Variants in LRMDA observed in about 807,000 individuals in gnomAD.
LRMDA encodes the protein leucine rich melanocyte differentiation associated.
LRMDA carries 18 observed loss-of-function variants against 29.8 expected under a neutral mutation model. That is an observed-to-expected ratio of 0.60 (90% CI 0.42 to 0.90). The LOEUF (loss-of-function observed/expected upper bound fraction) is 0.90. LRMDA is among the 40% of genes least tolerant of loss of function. The pLI, the probability that LRMDA is intolerant of heterozygous loss-of-function variation, is 0.00. For synonymous variants in LRMDA, 125 were observed against 109.4 expected (o/e 1.14, Z -0.89); for missense variants, 273 against 273.9 (o/e 1.00, Z 0.02).
intron 2 of LRMDA, among the ~76,000 whole-genome samples, chr10:75,663,485 C>G (rs562280270): frequency 6.6e-6 from 1 of 152,296 alleles, no homozygotes; most frequent in South Asian, 2.1e-4. Flanking sequence ...TATAAGGCCT[C>G]GAGTGTGTTC....
chr10:76,270,566 C>G (rs1331700226), intron 5 of LRMDA: 1 of 152,354 alleles, frequency 6.6e-6, no homozygotes, highest in Non-Finnish European at 1.5e-5. Flanking sequence ...TCAGTTCTTT[C>G]AATCAATATT....
At chr10:76,064,108 G>C (rs1231973815) in intron 5 of LRMDA, among the ~76,000 whole-genome samples, 3 of 152,156 alleles carry the variant, frequency 2.0e-5, no homozygotes, top group Non-Finnish European at 4.4e-5. Context: ...CAGTCAACAT[G>C]GTTACATTAA....
intron 2 of LRMDA, among the ~76,000 whole-genome samples, chr10:75,885,229 CTGTT>C (rs752982044): frequency 2.0e-5 from 3 of 152,204 alleles, no homozygotes; most frequent in African/African-American, 4.8e-5. Context: ...CTGTTGCTCT[CTGTT>C]TGTTTGATTG....
At chr10:76,217,690 G>T (rs779616008) in intron 5 of LRMDA, among the ~76,000 whole-genome samples, 1 of 152,178 alleles carries the variant, frequency 6.6e-6, no homozygotes, top group Non-Finnish European at 1.5e-5. Context: ...TATGGGTAAG[G>T]TTGGAGAATA....
chr10:76,044,639 C>T (rs2132038222), intron 3 of LRMDA, among the ~76,000 whole-genome samples: 1 of 152,154 alleles, frequency 6.6e-6, no homozygotes, highest in South Asian at 2.1e-4. Flanking sequence ...TTCCTGGCCA[C>T]CCACCCCTCT....
intron 5 of LRMDA, among the ~76,000 whole-genome samples, chr10:76,304,933 C>G (rs1840533082): frequency 6.6e-6 from 1 of 152,130 alleles, no homozygotes; most frequent in Admixed American, 6.5e-5. Context: ...AAGGCAGGGG[C>G]TGGGGCAGAG....
intron 2 of LRMDA, among the ~76,000 whole-genome samples, chr10:75,622,103 C>T (rs1841195553): frequency 6.6e-6 from 1 of 152,116 alleles, no homozygotes; most frequent in African/African-American, 2.4e-5. Context: ...TGGGTTTATA[C>T]AGTGAATAAA....
intron 2 of LRMDA, among the ~76,000 whole-genome samples, chr10:75,660,704 G>GTTT (rs555512385): frequency 1.4e-5 from 2 of 146,024 alleles, no homozygotes; most frequent in African/African-American, 5.0e-5. Context: ...TGTTCACCAT[G>GTTT]TTTTTTTTTT....
intron 6 of LRMDA, among the ~76,000 whole-genome samples, chr10:76,431,054 G>T (rs912091333): frequency 5.3e-5 from 8 of 152,278 alleles, no homozygotes; most frequent in African/African-American, 1.7e-4. Context: ...AATTTTACAA[G>T]TGGAGCTTTA....
intron 6 of LRMDA, among the ~76,000 whole-genome samples, chr10:76,409,780 C>A (rs1398894641): frequency 1.3e-5 from 2 of 152,122 alleles, no homozygotes; most frequent in Non-Finnish European, 2.9e-5. Context: ...CTAAAGTGAG[C>A]ATTTATTAAA....
chr10:75,922,067 G>A (rs1444395627), intron 2 of LRMDA, among the ~76,000 whole-genome samples: 1 of 152,166 alleles, frequency 6.6e-6, no homozygotes, highest in Non-Finnish European at 1.5e-5. Flanking sequence ...CTTGTAGCAA[G>A]TCTTTCTTCT....
intron 5 of LRMDA, among the ~76,000 whole-genome samples, chr10:76,139,620 C>G (rs1850162481): frequency 6.6e-6 from 1 of 152,146 alleles, no homozygotes; most frequent in Admixed American, 6.6e-5. Flanking sequence ...TATAAAAATA[C>G]TGCGTATCCC....
chr10:76,314,077 TAAG>T (rs940090457), intron 5 of LRMDA, among the ~76,000 whole-genome samples: 6 of 152,110 alleles, frequency 3.9e-5, no homozygotes, highest in African/African-American at 1.4e-4. Flanking sequence ...CTCAAAGAAT[TAAG>T]AAAAGATTAT....
At chr10:75,916,190 GT>G (rs1564605852) in intron 2 of LRMDA, among the ~76,000 whole-genome samples, 1,432 of 112,714 alleles carry the variant, frequency 0.013, 22 homozygotes, top group African/African-American at 0.038. Flanking sequence ...GTGTGTGTGT[GT>G]GTGTGGGTGG....
chr10:76,234,407 C>T (rs926739703), intron 5 of LRMDA, among the ~76,000 whole-genome samples: 1 of 152,012 alleles, frequency 6.6e-6, no homozygotes, highest in African/African-American at 2.4e-5. Context: ...TTCTTAAGGG[C>T]CCTAGAATTT....
chr10:75,636,989 C>T (rs1291684821), intron 2 of LRMDA, among the ~76,000 whole-genome samples: 2 of 152,254 alleles, frequency 1.3e-5, no homozygotes, highest in South Asian at 2.1e-4. Flanking sequence ...TTACAGTATG[C>T]CACCTTTTAG....
chr10:75,568,645 G>A (rs1449786175), intron 2 of LRMDA, among the ~76,000 whole-genome samples: 2 of 152,198 alleles, frequency 1.3e-5, no homozygotes, highest in African/African-American at 2.4e-5. Context: ...CTGAAGAGGA[G>A]GGAGAAGTAG....
At chr10:76,272,726 A>G (rs1840083275) in intron 5 of LRMDA, among the ~76,000 whole-genome samples, 1 of 152,158 alleles carries the variant, frequency 6.6e-6, no homozygotes, top group Non-Finnish European at 1.5e-5. Flanking sequence ...TTATAAAGAA[A>G]GGAGGTTTAA....
intron 6 of LRMDA, among the ~76,000 whole-genome samples, chr10:76,475,851 C>A (rs1232099679): frequency 6.6e-6 from 1 of 151,820 alleles, no homozygotes; most frequent in Non-Finnish European, 1.5e-5. Context: ...TTGAAACCAA[C>A]GAGAACAAAG....
Sources: gnomAD v4.1 joint callset for allele counts (sites outside exome capture counted in the v4.1 genomes callset) on GRCh38, gnomAD v4.1.1 for gene constraint, MANE v1.5 for transcripts, NCBI Gene and HGNC (gene_info 2026-07-23, HGNC 2026-07-21) for gene names.